The following CDC42BPB variants were observed in gnomAD, a reference collection of about 807,000 sequenced individuals.
The protein encoded by CDC42BPB is serine/threonine-protein kinase MRCK beta.
A neutral mutation model predicts 214.9 loss-of-function variants in CDC42BPB; 37 were observed. That is an observed-to-expected ratio of 0.17 (90% CI 0.13 to 0.23). CDC42BPB has a LOEUF of 0.23. Among genes scored for constraint, CDC42BPB ranks in the 10% least tolerant of loss-of-function variants. The pLI is 1.00. For missense variants in CDC42BPB, 1,694 were observed against 2,227.0 expected (o/e 0.76, Z 4.82); for synonymous variants, 931 against 884.0 (o/e 1.05, Z -0.94).
intron 6 of CDC42BPB, chr14:102,986,200 C>CT: frequency 2.9e-6 from 1 of 342,910 alleles, no homozygotes; most frequent in South Asian, 3.1e-5. Context: ...TGCTACAGGG[C>CT]TGGCATGCTT....
chr14:102,998,392 G>C (rs1407564765), intron 5 of CDC42BPB, among the ~76,000 whole-genome samples: 1 of 152,236 alleles, frequency 6.6e-6, no homozygotes, highest in Non-Finnish European at 1.5e-5. Flanking sequence ...TGTAATCAGC[G>C]GGGCCAGGGC....
At position 102,939,601 on chromosome 14, in the gene CDC42BPB, T is replaced by C. The variant is rs760369636; in HGVS notation, c.4827+9A>G. On this transcript the variant is annotated intron_variant, in intron 34 of 36. Coordinates refer to ENST00000361246, the MANE Select transcript of CDC42BPB (RefSeq NM_006035.4). Reference sequence around the variant, plus strand: ...TGCCCTGCCCGCCCTATCCCGGCCGTGCACGCACCAGAGGCAGGTCCATGA... The same window carrying C: ...TGCCCTGCCCGCCCTATCCCGGCCGCGCACGCACCAGAGGCAGGTCCATGA... The C allele has an allele frequency of 1.6e-5, 25 of 1,598,168 alleles. No individual in the cohort carries two copies. Among genetic ancestry groups the C allele is most frequent in the Admixed American group, 8.3e-5 (5 of 59,982 alleles).
At chr14:103,045,644 G>A (rs1009254309) in intron 1 of CDC42BPB, among the ~76,000 whole-genome samples, 1 of 152,138 alleles carries the variant, frequency 6.6e-6, no homozygotes, top group Non-Finnish European at 1.5e-5. Flanking sequence ...CTCTCCTGTC[G>A]TCCCATTTCC....
At chr14:103,026,385 G>A (rs949003347) in intron 1 of CDC42BPB, among the ~76,000 whole-genome samples, 6 of 152,004 alleles carry the variant, frequency 3.9e-5, no homozygotes, top group Non-Finnish European at 5.9e-5. Context: ...GTGAGGTTCC[G>A]TCTCAAAAAC....
chr14:103,046,141 A>C (rs893103670), intron 1 of CDC42BPB, among the ~76,000 whole-genome samples: 3 of 151,844 alleles, frequency 2.0e-5, no homozygotes, highest in Non-Finnish European at 4.4e-5. Context: ...TCTGTGGGAG[A>C]AGCAGTCAGA....
intron 4 of CDC42BPB, among the ~76,000 whole-genome samples, chr14:103,003,185 C>A (rs571437367): frequency 6.6e-6 from 1 of 152,258 alleles, no homozygotes; most frequent in Admixed American, 6.5e-5. Context: ...GAGGTCTGCC[C>A]GCGTCACGTC....
At chr14:102,989,255 G>C (rs755505455) in intron 5 of CDC42BPB, among the ~76,000 whole-genome samples, 1 of 152,296 alleles carries the variant, frequency 6.6e-6, no homozygotes, top group Admixed American at 6.5e-5. Context: ...GAAAATGCAC[G>C]GTTGGCAAAG....
chr14:102,972,637 C>T (rs1893529740), intron 12 of CDC42BPB, among the ~76,000 whole-genome samples: 1 of 127,256 alleles, frequency 7.9e-6, no homozygotes, highest in African/African-American at 2.9e-5. Context: ...TGCAGTGAGC[C>T]GAGATTGTGC....
intron 1 of CDC42BPB, among the ~76,000 whole-genome samples, chr14:103,056,770 A>G (rs568587662): frequency 5.3e-5 from 8 of 152,122 alleles, no homozygotes; most frequent in African/African-American, 1.7e-4. Context: ...TAGGGAGGGC[A>G]AGGAGGGATG....
intron 1 of CDC42BPB, among the ~76,000 whole-genome samples, chr14:103,055,790 T>G (rs1888915252): frequency 6.7e-6 from 1 of 150,072 alleles, no homozygotes; most frequent in Non-Finnish European, 1.5e-5. Flanking sequence ...CAGAGTAGAG[T>G]AGGAGGCCTG....
chr14:103,024,886 T>C (rs1003797430), intron 1 of CDC42BPB, among the ~76,000 whole-genome samples: 20 of 152,344 alleles, frequency 1.3e-4, no homozygotes, highest in Middle Eastern at 3.4e-3. Flanking sequence ...GTCTAAATGT[T>C]TGGTATTTTT....
At chr14:102,984,191 C>T (rs1894132303) in intron 6 of CDC42BPB, among the ~76,000 whole-genome samples, 1 of 152,210 alleles carries the variant, frequency 6.6e-6, no homozygotes. Flanking sequence ...CAGTGCCTCT[C>T]CAATCCCCCA....
In CDC42BPB at chr14:103,003,918, T is replaced by G. The variant is rs1221109619; in HGVS notation, c.447+10A>C. ...AATGCCCTGACCGAGTCTCTGGCTGTGCGACCTACCAGGTGGTTCTCGTCC... is the reference window on the plus strand; with the variant it reads ...AATGCCCTGACCGAGTCTCTGGCTGGGCGACCTACCAGGTGGTTCTCGTCC... On this transcript the variant is annotated intron_variant, in intron 4 of 36. Transcript: ENST00000361246. 6.2e-7 allele frequency: 1 copy of G among 1,602,862 alleles called. No homozygotes were observed. Among genetic ancestry groups the G allele is most frequent in the Non-Finnish European group, 8.5e-7 (1 of 1,171,276 alleles).
intron 27 of CDC42BPB, 107 bp from the exon 28 acceptor site, chr14:102,946,791 G>T: frequency 6.7e-7 from 1 of 1,487,128 alleles, no homozygotes; most frequent in Admixed American, 2.2e-5. Flanking sequence ...AACGGGGGCT[G>T]ATGTGCTTCC....
At position 102,946,624 on chromosome 14, in the gene CDC42BPB, T is replaced by G; in HGVS notation, c.3592A>C (p.Asn1198His). Residue 1198 changes from asparagine to histidine, a missense_variant, in exon 28 of 37, where the codon AAT (asparagine) becomes CAT (histidine). Transcript: ENST00000361246. ...ACCCACTTCCTCTTTTCATTCTCAT[T>G]TTCTGTCAGAATGAGCAGCGAGCTG... The part of the protein sequence containing the change: ...KTSSLLILTE[N>H]ENEKRKWVGI... 6.2e-7 allele frequency: 1 copy of G among 1,612,818 alleles called. No individual in the cohort carries two copies. The highest frequency in any genetic ancestry group is 8.5e-7 in the Non-Finnish European group (1 of 1,179,978).
intron 1 of CDC42BPB, among the ~76,000 whole-genome samples, chr14:103,040,185 T>C (rs944892584): frequency 6.6e-6 from 1 of 152,074 alleles, no homozygotes; most frequent in Non-Finnish European, 1.5e-5. Flanking sequence ...TGAAACCCTG[T>C]CTGTACTAAA....
intron 30 of CDC42BPB, chr14:102,941,592 C>T (rs921511938): frequency 1.9e-5 from 19 of 981,818 alleles, no homozygotes; most frequent in African/African-American, 5.3e-5. Context: ...CCTTGCCTGC[C>T]GAGTATGTGG....
At chr14:102,994,925 T>C (rs1462155223) in intron 5 of CDC42BPB, among the ~76,000 whole-genome samples, 1 of 152,200 alleles carries the variant, frequency 6.6e-6, no homozygotes, top group Non-Finnish European at 1.5e-5. Flanking sequence ...GTCCACCACC[T>C]GGGGTGTGGC....
At chr14:102,950,365 C>T in intron 25 of CDC42BPB, 101 bp downstream of exon 25, 1 of 1,465,872 alleles carries the variant, frequency 6.8e-7, no homozygotes, top group Admixed American at 1.8e-5. Context: ...CCAGGGCCAC[C>T]TGCCGCAGCA....
Sources: gnomAD v4.1 joint callset for allele counts (sites outside exome capture counted in the v4.1 genomes callset) on GRCh38, gnomAD v4.1.1 for gene constraint, MANE v1.5 for transcripts, NCBI Gene and HGNC (gene_info 2026-07-23, HGNC 2026-07-21) for gene names.